Variants in COL6A3 observed in about 807,000 individuals in gnomAD.
The protein encoded by COL6A3 is collagen type VI alpha 3 chain, also known as collagen alpha-3(VI) chain.
A neutral mutation model predicts 274.1 loss-of-function variants in COL6A3; 137 were observed. The observed-to-expected ratio is 0.50, with a 90% CI of 0.44 to 0.58. The LOEUF (loss-of-function observed/expected upper bound fraction) is 0.58. Ranked by LOEUF, COL6A3 falls within the 20% of genes least tolerant of loss-of-function variation. The pLI is 0.00. For missense variants in COL6A3, 3,950 were observed against 4,124.9 expected, an observed-to-expected ratio of 0.96 and a Z score of 1.16; for synonymous variants, 1,650 against 1,650.6, an observed-to-expected ratio of 1.00 and a Z score of 0.01.
rs376767547 is a variant in COL6A3 at position 237,396,773 on chromosome 2, G to C, written c.45C>G (p.Leu15=). The C allele has an allele frequency of 3.7e-6, 6 of 1,614,058 alleles. No individual in the cohort carries two copies. The highest frequency in any genetic ancestry group is 5.1e-6 in the Non-Finnish European group (6 of 1,180,038). The part of the protein sequence containing the change: ...RHLPLVAVFC[L]FLSGFPTTHA... ...GAGTTGTAGGAAAGCCTGAGAGAAA[G>C]AGGCAAAAGACGGCCACTAAGGGCA... The change falls in exon 2 of 44, where the codon CTC becomes CTG. Residue 15 remains leucine (L), a synonymous_variant. Transcript: ENST00000295550.
Position 237,378,979 on chromosome 2 carries a change from G to A in COL6A3, c.2154C>T (p.Asn718=). The part of the protein sequence containing the change: ...QLQLQGGSGL[N]TGSALSYVYA... ...AGACATAGCTTAGGGCTGAGCCTGT[G>A]TTCAGGCCCGAACCTCCCTGGAGCT... The change falls in exon 6 of 44, where the codon AAC becomes AAT. Residue 718 remains asparagine (N), a synonymous_variant. Coordinates refer to ENST00000295550, the MANE Select transcript of COL6A3 (RefSeq NM_004369.4). 6.2e-7 allele frequency: 1 copy of A among 1,614,214 alleles called. No homozygotes were observed. Among genetic ancestry groups the A allele is most frequent in the South Asian group, 1.1e-5 (1 of 91,084 alleles).
At chr2:237,382,997 C>T (rs1464115459) in intron 4 of COL6A3, among the ~76,000 whole-genome samples, 1 of 152,132 alleles carries the variant, frequency 6.6e-6, no homozygotes, top group Non-Finnish European at 1.5e-5. Context: ...TGGGGTTTCA[C>T]CATGCTGGTC....
At chr2:237,401,458 C>A (rs1426505358) in intron 1 of COL6A3, among the ~76,000 whole-genome samples, 5 of 151,188 alleles carry the variant, frequency 3.3e-5, no homozygotes, top group African/African-American at 4.8e-5. Context: ...TATATACACA[C>A]ACAATGGAAT....
chr2:237,349,004 G>A (rs2077152390), intron 28 of COL6A3, among the ~76,000 whole-genome samples: 2 of 152,106 alleles, frequency 1.3e-5, no homozygotes, highest in Admixed American at 6.6e-5. Context: ...AATCTTGATG[G>A]TTACTTTGAT....
intron 9 of COL6A3, among the ~76,000 whole-genome samples, 162 bp from the exon 10 acceptor site, chr2:237,369,339 T>C (rs2077630580): frequency 6.6e-6 from 1 of 152,238 alleles, no homozygotes; most frequent in Admixed American, 6.5e-5. Flanking sequence ...CGTTAAAAAT[T>C]GGACCTTTTA....
At chr2:237,394,122 A>G (rs903122767) in intron 3 of COL6A3, among the ~76,000 whole-genome samples, 1 of 152,226 alleles carries the variant, frequency 6.6e-6, no homozygotes, top group Non-Finnish European at 1.5e-5. Flanking sequence ...TTAACTCCGT[A>G]AAGTAGAAGA....
chr2:237,324,649 G>T lies in COL6A3; in HGVS notation c.*125C>A. On this transcript the variant is annotated 3_prime_UTR_variant, in exon 44 of 44. Transcript: ENST00000295550. Reference sequence around the variant, plus strand: ...CAGCAGGATGTTCCCTCCCGAGTTCGAGTGTAAATCAAAGCATGAAATGAT... The same window carrying T: ...CAGCAGGATGTTCCCTCCCGAGTTCTAGTGTAAATCAAAGCATGAAATGAT... 1 of 866,598 alleles carries T rather than the reference G, an allele frequency of 1.2e-6. No homozygotes were observed. The allele number at this position is 866,598 out of a possible 1,614,324, so 53.7% of individuals were successfully genotyped here.
At chr2:237,406,218 A>G (rs951280364) in intron 1 of COL6A3, among the ~76,000 whole-genome samples, 3 of 152,128 alleles carry the variant, frequency 2.0e-5, no homozygotes, top group Admixed American at 6.5e-5. Flanking sequence ...CTATTTTGCA[A>G]TTCTGTAAAT....
chr2:237,325,230 T>C, intron 43 of COL6A3, among the ~76,000 whole-genome samples: 1 of 152,168 alleles, frequency 6.6e-6, no homozygotes, highest in East Asian at 1.9e-4. Flanking sequence ...AAAGATAAAT[T>C]TGTGGGGGTT....
chr2:237,368,347 T>C lies in COL6A3; in HGVS notation c.4900+216A>G, dbSNP rs907655298. On this transcript the variant is annotated intron_variant, in intron 10 of 43. Coordinates refer to ENST00000295550, the MANE Select transcript of COL6A3 (RefSeq NM_004369.4). This position sits in a 1 kb window ranked among gnomAD's most constrained non-coding sequence, Gnocchi z 4.4. ...AGTGCAACACTGCAGAACCTTTCAA[T>C]GGGGCTATGATTAGTCTCAGGAGTG... Among the ~76,000 whole-genome samples, 4 of 152,224 alleles carry C rather than the reference T, an allele frequency of 2.6e-5. No homozygotes were observed. Among genetic ancestry groups the C allele is most frequent in the Non-Finnish European group, 4.4e-5 (3 of 68,046 alleles).
In COL6A3 at chr2:237,372,355, G is replaced by A. The variant is rs528379574; in HGVS notation, c.3680-18C>T. 3 of 1,601,946 alleles carry A rather than the reference G, an allele frequency of 1.9e-6. No individual in the cohort carries two copies. The Middle Eastern group carries it at 5.0e-4, about 264-fold the overall frequency. ...ACCAACACCTGCGAAACAAATGTGA[G>A]CATGGCTTCACCTTCATCGTCACCA... On this transcript the variant is annotated intron_variant, in intron 8 of 43. Coordinates refer to ENST00000295550, the MANE Select transcript of COL6A3 (RefSeq NM_004369.4).
At chr2:237,351,446 G>A (rs1443873032) in intron 26 of COL6A3, among the ~76,000 whole-genome samples, 2 of 152,214 alleles carry the variant, frequency 1.3e-5, no homozygotes, top group African/African-American at 4.8e-5. Context: ...ATTAATGCAT[G>A]TTGCAGTTAT....
At chr2:237,359,470 C>A (rs989529506) in intron 17 of COL6A3, 82 bp from the exon 18 acceptor site, 5 of 1,353,582 alleles carry the variant, frequency 3.7e-6, no homozygotes, top group African/African-American at 1.4e-5. Context: ...GGGCTGTTCC[C>A]CCACTCCACC....
chr2:237,351,235 G>A (rs181673734), intron 26 of COL6A3, 43 bp from the exon 27 acceptor site: 80 of 1,595,656 alleles, frequency 5.0e-5, no homozygotes, highest in Middle Eastern at 3.3e-4. Context: ...GTGGCCAACC[G>A]TCCAGGCAAA....
chr2:237,368,250 C>A lies in COL6A3; in HGVS notation c.4900+313G>T, dbSNP rs1008113775. Among the ~76,000 whole-genome samples, 20 of 152,200 alleles carry A rather than the reference C, an allele frequency of 1.3e-4. No individual in the cohort carries two copies. The highest frequency in any genetic ancestry group is 4.6e-4 in the African/African-American group (19 of 41,454). ...CATGGGCCAACTTCAAAGTCACATT[C>A]AGTGGGGCATGGACTGGCTGATTTC... On this transcript the variant is annotated intron_variant, in intron 10 of 43. Coordinates refer to ENST00000295550, the MANE Select transcript of COL6A3 (RefSeq NM_004369.4). This position sits in a 1 kb window ranked among gnomAD's most constrained non-coding sequence, Gnocchi z 4.4.
In COL6A3 at chr2:237,381,188, C is replaced by A. The variant is rs756045079; in HGVS notation, c.1624G>T (p.Gly542Cys). ...VRNNLFTSSA[G>C]YRAAEGIPKL... ...GGAATCCCCTCGGCAGCCCGGTAGCCGGCTGAACTCGTGAATAGGTTGTTA... is the reference window on the plus strand; with the variant it reads ...GGAATCCCCTCGGCAGCCCGGTAGCAGGCTGAACTCGTGAATAGGTTGTTA... The change falls in exon 5 of 44, where the codon GGC (glycine) becomes TGC (cysteine). Residue 542 changes from glycine (G) to cysteine (C), a missense_variant. By Grantham distance (159) the Gly-to-Cys change is radical (BLOSUM62 -3). Around this residue, in one of 5 missense-constraint regions of COL6A3, gnomAD observed 1,934 missense variants for 1,984.3 expected, o/e 0.97. Coordinates refer to ENST00000295550, the MANE Select transcript of COL6A3 (RefSeq NM_004369.4). 1 of 1,614,252 alleles carries A rather than the reference C, an allele frequency of 6.2e-7. No individual in the cohort carries two copies. Among genetic ancestry groups the A allele is most frequent in the East Asian group, 2.2e-5 (1 of 44,890 alleles).
intron 22 of COL6A3, 64 bp from the exon 23 acceptor site, chr2:237,357,455 C>G (rs2077342831): frequency 7.1e-7 from 1 of 1,402,838 alleles, no homozygotes; most frequent in Non-Finnish European, 1.0e-6. Context: ...CTCTGAAATG[C>G]TGCACAAGAC....
At chr2:237,338,322 A>T (rs1700653983) in intron 39 of COL6A3, among the ~76,000 whole-genome samples, 1 of 152,200 alleles carries the variant, frequency 6.6e-6, no homozygotes, top group African/African-American at 2.4e-5. Context: ...AGCAGAGATG[A>T]GCCAGCCCAT....
chr2:237,394,866 G>A lies in COL6A3; in HGVS notation c.430C>T (p.Gln144Ter). ...AGSRAGDGVP[Q>*]VIVVLTDGHS... ...CCATCAGTTAACACTACGATAACCTGAGGGACTCCGTCACCGGCCCGGCTT... is the reference window on the plus strand; with the variant it reads ...CCATCAGTTAACACTACGATAACCTAAGGGACTCCGTCACCGGCCCGGCTT... The change falls in exon 3 of 44, where the codon CAG becomes TAG. Residue 144 changes from glutamine to a stop codon, truncating the protein, a stop_gained. Coordinates refer to ENST00000295550, the MANE Select transcript of COL6A3 (RefSeq NM_004369.4). LOFTEE classifies it high-confidence loss of function. The A allele has an allele frequency of 6.2e-7, 1 of 1,612,464 alleles. No individual in the cohort carries two copies. Among genetic ancestry groups the A allele is most frequent in the South Asian group, 1.1e-5 (1 of 91,070 alleles).
Sources: allele counts gnomAD v4.1 joint callset (sites outside exome capture counted in the v4.1 genomes callset), GRCh38; gene constraint gnomAD v4.1.1; regional missense constraint gnomAD v4.1.1; non-coding constraint Gnocchi (gnomAD v3.1); transcripts MANE v1.5; gene names NCBI Gene and HGNC (gene_info 2026-07-23, HGNC 2026-07-21).